The following SPIDR variants were observed in gnomAD, a reference collection of about 807,000 sequenced individuals.
SPIDR encodes scaffold protein involved in DNA repair, also known as DNA repair-scaffolding protein.
In SPIDR, 93 loss-of-function variants were observed where a neutral mutation model predicts 104.6. The ratio of observed to expected loss-of-function variants is 0.89; its 90% CI spans 0.75 to 1.06. The LOEUF is 1.06. SPIDR is among the 50% of genes least tolerant of loss of function. The probability of loss-of-function intolerance (pLI) is 0.00; values close to 1 mark genes in which losing one functional copy is unlikely to be tolerated. For missense variants in SPIDR, 1,154 were observed against 1,111.2 expected, an observed-to-expected ratio of 1.04 and a Z score of -0.55; for synonymous variants, 431 against 416.9, an observed-to-expected ratio of 1.03 and a Z score of -0.41.
At chr8:47,571,731 G>A (rs2058550696) in intron 8 of SPIDR, among the ~76,000 whole-genome samples, 1 of 152,148 alleles carries the variant, frequency 6.6e-6, no homozygotes, top group African/African-American at 2.4e-5. Context: ...ATACATACCT[G>A]TGATAAAGGT....
At chr8:47,582,188 C>G (rs1012289511) in intron 8 of SPIDR, among the ~76,000 whole-genome samples, 4 of 150,380 alleles carry the variant, frequency 2.7e-5, no homozygotes. Flanking sequence ...GCACTGCACT[C>G]CAGCCTGGGT....
intron 5 of SPIDR, among the ~76,000 whole-genome samples, chr8:47,382,692 A>T (rs1554646124): frequency 6.6e-6 from 1 of 152,216 alleles, no homozygotes; most frequent in Admixed American, 6.5e-5. Context: ...ATTAACAGGC[A>T]TGAGCCACCA....
intron 8 of SPIDR, among the ~76,000 whole-genome samples, chr8:47,493,339 TAATGCCACA>T (rs1180297637): frequency 2.0e-5 from 3 of 152,168 alleles, no homozygotes; most frequent in African/African-American, 7.2e-5. Context: ...AACCCAGAGT[TAATGCCACA>T]AATACCATTA....
chr8:47,499,370 T>A (rs1278451150), intron 8 of SPIDR, among the ~76,000 whole-genome samples: 6 of 152,158 alleles, frequency 3.9e-5, no homozygotes. Flanking sequence ...CTTAGAGCTT[T>A]GGGGTTTCCT....
At chr8:47,303,332 G>T (rs2042541847) in intron 5 of SPIDR, among the ~76,000 whole-genome samples, 1 of 152,192 alleles carries the variant, frequency 6.6e-6, no homozygotes, top group Non-Finnish European at 1.5e-5. Flanking sequence ...GATTTTCCAG[G>T]TGCTGTCTGT....
At chr8:47,440,229 T>A in intron 7 of SPIDR, 94 bp from the exon 8 acceptor site, 1 of 1,087,750 alleles carries the variant, frequency 9.2e-7, no homozygotes, top group South Asian at 1.5e-5. Context: ...GAGTGCTATC[T>A]GCATGTGGAT....
intron 8 of SPIDR, chr8:47,511,260 G>C: frequency 6.4e-7 from 1 of 1,572,970 alleles, no homozygotes; most frequent in South Asian, 1.1e-5. Flanking sequence ...GGATGTTTGT[G>C]GTAGTCTCTG....
chr8:47,647,353 G>A (rs948727077), intron 10 of SPIDR, among the ~76,000 whole-genome samples: 3 of 152,132 alleles, frequency 2.0e-5, no homozygotes, highest in South Asian at 2.1e-4. Context: ...AGTGGCTCAC[G>A]CCTGTAATCC....
rs147436412 is a variant in SPIDR, at chr8:47,502,646, C to T, written c.1097+62104C>T. On this transcript the variant is annotated intron_variant, in intron 8 of 19. Coordinates refer to ENST00000297423, the MANE Select transcript of SPIDR (RefSeq NM_001080394.4). ...CGTGTCTCTATTTCCTTCGGTTCTG[C>T]TCTGATCTTAGTTATTTCTTGCCTT... 1.3e-3 allele frequency among the ~76,000 whole-genome samples: 204 copies of T among 152,230 alleles called. 3 individuals are homozygous for T. In the East Asian group the frequency reaches 0.034, roughly 25 times the overall value.
intron 1 of SPIDR, among the ~76,000 whole-genome samples, chr8:47,263,009 G>A (rs2032916721): frequency 6.6e-6 from 1 of 152,164 alleles, no homozygotes; most frequent in Non-Finnish European, 1.5e-5. Context: ...CTTATCCTGT[G>A]TTTAGTGCTT....
intron 16 of SPIDR, among the ~76,000 whole-genome samples, chr8:47,724,610 C>T (rs1313045982): frequency 6.6e-6 from 1 of 152,242 alleles, no homozygotes; most frequent in Non-Finnish European, 1.5e-5. Context: ...GGGCAGCTCT[C>T]CCAGCAGCTG....
intron 8 of SPIDR, among the ~76,000 whole-genome samples, chr8:47,456,501 A>C (rs1250328818): frequency 6.6e-6 from 1 of 152,224 alleles, no homozygotes; most frequent in Non-Finnish European, 1.5e-5. Context: ...CAATGGAATG[A>C]ACCCTAGAAA....
At chr8:47,474,764 A>G (rs1176616407) in intron 8 of SPIDR, among the ~76,000 whole-genome samples, 2 of 152,250 alleles carry the variant, frequency 1.3e-5, no homozygotes, top group Non-Finnish European at 2.9e-5. Flanking sequence ...ATTCAGTCCA[A>G]CACAGAGTTA....
intron 10 of SPIDR, among the ~76,000 whole-genome samples, chr8:47,609,175 T>A (rs1422620597): frequency 6.6e-6 from 1 of 152,244 alleles, no homozygotes; most frequent in African/African-American, 2.4e-5. Flanking sequence ...TGCAAATATT[T>A]TTTCCCATTC....
intron 8 of SPIDR, among the ~76,000 whole-genome samples, chr8:47,504,933 G>A (rs1298465973): frequency 6.6e-6 from 1 of 152,220 alleles, no homozygotes; most frequent in Admixed American, 6.5e-5. Flanking sequence ...AGCAGCAGAC[G>A]CTGCAGAGTG....
At chr8:47,307,847 T>G (rs1199707519) in intron 5 of SPIDR, among the ~76,000 whole-genome samples, 4 of 152,144 alleles carry the variant, frequency 2.6e-5, no homozygotes, top group Admixed American at 6.6e-5. Context: ...CCTAGTACTT[T>G]GAACAACTTT....
chr8:47,337,983 A>AGGT (rs201191092), intron 5 of SPIDR, among the ~76,000 whole-genome samples: 1,857 of 152,280 alleles, frequency 0.012, 21 homozygotes, highest in Non-Finnish European at 0.017. Flanking sequence ...AATTAATGTA[A>AGGT]TTTTATAATA....
At chr8:47,525,690 A>G (rs2084869302) in intron 8 of SPIDR, among the ~76,000 whole-genome samples, 1 of 151,036 alleles carries the variant, frequency 6.6e-6, no homozygotes, top group East Asian at 2.0e-4. Flanking sequence ...AGTCTCAACT[A>G]CTCAGGCAGC....
intron 8 of SPIDR, among the ~76,000 whole-genome samples, chr8:47,512,438 C>T (rs2082478041): frequency 6.6e-6 from 1 of 152,204 alleles, no homozygotes; most frequent in Admixed American, 6.5e-5. Flanking sequence ...GTAAATATGG[C>T]TTATAAAGCC....
Sources: gnomAD v4.1 joint callset for allele counts (sites outside exome capture counted in the v4.1 genomes callset) on GRCh38, gnomAD v4.1.1 for gene constraint, MANE v1.5 for transcripts, NCBI Gene and HGNC (gene_info 2026-07-23, HGNC 2026-07-21) for gene names.